The following NBAS variants were observed in gnomAD, a reference collection of about 807,000 sequenced individuals.
NBAS encodes NAG/BC035112 fusion.
Under a neutral mutation model 302.5 loss-of-function variants are expected in NBAS, and 219 were observed. The observed-to-expected ratio is 0.72, with a 90% CI of 0.65 to 0.81. The LOEUF (loss-of-function observed/expected upper bound fraction) is 0.81. NBAS is among the 30% of genes least tolerant of loss of function. The pLI, the probability that NBAS is intolerant of heterozygous loss-of-function variation, is 0.00. For missense variants in NBAS, 2,932 were observed against 2,841.6 expected (o/e 1.03, Z -0.72); for synonymous variants, 1,118 against 1,021.6 (o/e 1.09, Z -1.80).
the NBAS span, among the ~76,000 whole-genome samples, chr2:15,099,128 C>T: frequency 2.0e-5 from 3 of 152,064 alleles, no homozygotes; most frequent in Non-Finnish European, 4.4e-5. Context: ...CATGGTGAAA[C>T]ACCATCTCTA....
chr2:15,427,246 C>A (rs1191274622), intron 22 of NBAS, among the ~76,000 whole-genome samples: 1 of 152,036 alleles, frequency 6.6e-6, no homozygotes, highest in South Asian at 2.1e-4. Flanking sequence ...AGGAGTAGGG[C>A]ATAAAGGCAT....
At chr2:15,301,737 T>C (rs1461484472) in intron 40 of NBAS, among the ~76,000 whole-genome samples, 1 of 152,142 alleles carries the variant, frequency 6.6e-6, no homozygotes, top group African/African-American at 2.4e-5. Flanking sequence ...CAAAAGCACA[T>C]GGGGGAGGAC....
At position 15,558,693 on chromosome 2, in the gene NBAS, T is replaced by C. The variant is rs940808838; in HGVS notation, c.118-59A>G. The C allele has an allele frequency of 4.0e-6, 5 of 1,241,804 alleles. No homozygotes were observed. The African/African-American group carries it at 7.4e-5, about 18-fold the overall frequency. 76.9% of individuals were successfully genotyped at this position (1,241,804 alleles called of 1,614,324 possible). On this transcript the variant is annotated intron_variant, in intron 1 of 51. Transcript: ENST00000281513. The stretch of plus-strand genomic sequence containing the variant: ...ATCTTCTAGTAGTATTAGACCAGTA[T>C]TACTTATACAATATGTAAACTTATT...
intron 25 of NBAS, among the ~76,000 whole-genome samples, chr2:15,410,583 GACA>G (rs76408439): frequency 0.11 from 16,926 of 151,972 alleles, 1,453 homozygotes; most frequent in African/African-American, 0.24. Flanking sequence ...TAGGAAAACA[GACA>G]ACAAGTGCTC....
At chr2:14,837,948 A>G in the NBAS span, among the ~76,000 whole-genome samples, 8 of 151,820 alleles carry the variant, frequency 5.3e-5, no homozygotes, top group Non-Finnish European at 1.0e-4. Context: ...TGTCTATTTC[A>G]CCTTCATTCT....
chr2:14,990,868 C>G, the NBAS span, among the ~76,000 whole-genome samples: 2 of 152,174 alleles, frequency 1.3e-5, no homozygotes, highest in Non-Finnish European at 2.9e-5. Flanking sequence ...GTTCCTGAAG[C>G]TGAATCGCTC....
chr2:15,328,086 ATGAG>A (rs755234793), intron 37 of NBAS, 109 bp downstream of exon 37: 33 of 1,219,922 alleles, frequency 2.7e-5, no homozygotes, highest in Non-Finnish European at 3.8e-5. Context: ...AATGAATAAC[ATGAG>A]TAAGAACCAA....
chr2:15,424,454 G>A lies in NBAS; in HGVS notation c.2438C>T (p.Pro813Leu), dbSNP rs759099309. The change falls in exon 23 of 52, where the codon CCG becomes CTG. Residue 813 changes from proline (P) to leucine (L), a missense_variant. Coordinates refer to ENST00000281513, the MANE Select transcript of NBAS (RefSeq NM_015909.4). ...EELACRMVVEPNLQDESEFLY... is the reference protein window; with the variant it reads ...EELACRMVVELNLQDESEFLY... ...GAATTCACTTTCATCTTGGAGATTC[G>A]GCTCAACAACCATTCTGTGAAGCAC... 4.3e-6 allele frequency: 7 copies of A among 1,614,014 alleles called. No individual in the cohort carries two copies. Among genetic ancestry groups the A allele is most frequent in the South Asian group, 2.2e-5 (2 of 91,074 alleles).
the NBAS span, among the ~76,000 whole-genome samples, chr2:14,885,786 T>A: frequency 6.6e-6 from 1 of 152,080 alleles, no homozygotes; most frequent in South Asian, 2.1e-4. Context: ...AGCAAGAACG[T>A]ATATCAGGTA....
At chr2:14,990,353 G>A in the NBAS span, among the ~76,000 whole-genome samples, 1 of 151,802 alleles carries the variant, frequency 6.6e-6, no homozygotes, top group East Asian at 1.9e-4. Flanking sequence ...GAACCTGGGA[G>A]GCAGAGGTTG....
the NBAS span, among the ~76,000 whole-genome samples, chr2:15,039,738 G>C: frequency 6.6e-6 from 1 of 152,072 alleles, no homozygotes; most frequent in Non-Finnish European, 1.5e-5. Context: ...GTCTCAGCTC[G>C]GACACCCCAG....
chr2:14,851,469 A>AGATG, the NBAS span, among the ~76,000 whole-genome samples: 1 of 149,430 alleles, frequency 6.7e-6, no homozygotes, highest in Admixed American at 6.6e-5. Flanking sequence ...GTCCAGGACC[A>AGATG]GATGGATTCA....
rs1558318481 is a variant in NBAS, at chr2:15,416,388, CA to C, written c.2764-670del. Among the ~76,000 whole-genome samples, 4 of 152,150 alleles carry C rather than the reference CA, an allele frequency of 2.6e-5. No individual in the cohort carries two copies. In the South Asian group the frequency reaches 8.3e-4, roughly 32 times the overall value. ...ACAATCGTTTCTCTTAATTATCCCC[CA>C]AAAGATACACCTAAAGCTATTAAGA... On this transcript the variant is annotated intron_variant, in intron 24 of 51. Coordinates refer to ENST00000281513, the MANE Select transcript of NBAS (RefSeq NM_015909.4).
At chr2:14,974,010 C>T in the NBAS span, among the ~76,000 whole-genome samples, 3 of 152,310 alleles carry the variant, frequency 2.0e-5, no homozygotes, top group East Asian at 1.9e-4. Flanking sequence ...AGCCAACTCT[C>T]GCCAAGAATA....
At chr2:15,412,532 A>T (rs925680829) in intron 25 of NBAS, among the ~76,000 whole-genome samples, 1 of 152,248 alleles carries the variant, frequency 6.6e-6, no homozygotes, top group African/African-American at 2.4e-5. Context: ...TGTCTGATAC[A>T]GAAATAACTG....
chr2:15,501,896 G>T, intron 11 of NBAS, among the ~76,000 whole-genome samples: 1 of 151,920 alleles, frequency 6.6e-6, no homozygotes, highest in African/African-American at 2.4e-5. Flanking sequence ...CCAAAGAACT[G>T]GGATAACAGG....
intron 31 of NBAS, among the ~76,000 whole-genome samples, chr2:15,370,352 G>A (rs1274687706): frequency 1.3e-5 from 2 of 152,116 alleles, no homozygotes; most frequent in African/African-American, 4.8e-5. Context: ...CGGGTGCGGT[G>A]GCACAATCTC....
chr2:15,342,040 G>A (rs181585547), intron 35 of NBAS, among the ~76,000 whole-genome samples: 67 of 152,076 alleles, frequency 4.4e-4, no homozygotes, highest in Admixed American at 1.6e-3. Context: ...TTCCAGTGAT[G>A]TGCTGGTATC....
At chr2:15,441,225 T>C (rs1010441322) in intron 21 of NBAS, among the ~76,000 whole-genome samples, 134 of 151,894 alleles carry the variant, frequency 8.8e-4, no homozygotes, top group Middle Eastern at 3.4e-3. Context: ...AAAGTTGAAA[T>C]GAAGGAAAAA....
Sources: allele counts gnomAD v4.1 joint callset (sites outside exome capture counted in the v4.1 genomes callset), GRCh38; gene constraint gnomAD v4.1.1; transcripts MANE v1.5; gene names NCBI Gene and HGNC (gene_info 2026-07-23, HGNC 2026-07-21).